The following FTO variants were observed in gnomAD, a reference collection of about 807,000 sequenced individuals.
FTO encodes alpha-ketoglutarate-dependent dioxygenase FTO.
FTO carries 47 observed loss-of-function variants against 63.9 expected under a neutral mutation model. The ratio of observed to expected loss-of-function variants is 0.74; its 90% confidence interval spans 0.58 to 0.94. FTO has a LOEUF of 0.94. Among genes scored for constraint, FTO ranks in the 40% least tolerant of loss-of-function variants. FTO has a pLI of 0.00. For synonymous variants in FTO, 207 were observed against 224.4 expected, an observed-to-expected ratio of 0.92 and a Z score of 0.69; for missense variants, 562 against 618.1, an observed-to-expected ratio of 0.91 and a Z score of 0.96.
chr16:53,719,915 A>T (rs1348128099), intron 1 of FTO, among the ~76,000 whole-genome samples: 1 of 151,904 alleles, frequency 6.6e-6, no homozygotes, highest in East Asian at 1.9e-4. Flanking sequence ...TTTCTTTCTC[A>T]TACCTTAGTT....
chr16:53,921,044 G>A (rs17821714), intron 7 of FTO, among the ~76,000 whole-genome samples: 7,406 of 152,244 alleles, frequency 0.049, 266 homozygotes, highest in Non-Finnish European at 0.071. Context: ...TTCTTGTGTA[G>A]AAAACATATG....
At chr16:54,074,388 T>A (rs1280615243) in intron 8 of FTO, among the ~76,000 whole-genome samples, 1 of 152,190 alleles carries the variant, frequency 6.6e-6, no homozygotes. Flanking sequence ...CCACCTTGGG[T>A]ACCACTAGGA....
In FTO at chr16:53,704,207, A is replaced by G. The variant is rs1329981588; in HGVS notation, c.23A>G (p.Glu8Gly). MKRTPTA[E>G]EREREAKKLR... is the part of the protein sequence containing the mutation. ...AGCATGAAGCGCACCCCGACTGCCGAGGAACGAGAGCGCGAAGCTAAGGTA... is the reference window on the plus strand; with the variant it reads ...AGCATGAAGCGCACCCCGACTGCCGGGGAACGAGAGCGCGAAGCTAAGGTA... The change falls in exon 1 of 9, where the codon GAG (glutamate) becomes GGG (glycine). Residue 8 changes from glutamate to glycine, a missense_variant. Physicochemically the swap from Glu to Gly is moderately conservative, Grantham distance 98. Coordinates refer to ENST00000471389, the MANE Select transcript of FTO (RefSeq NM_001080432.3). 1.9e-6 allele frequency: 3 copies of G among 1,551,502 alleles called. No individual in the cohort carries two copies. The highest frequency in any genetic ancestry group is 2.6e-6 in the Non-Finnish European group (3 of 1,146,838).
At chr16:53,970,829 A>G (rs1186656282) in intron 8 of FTO, among the ~76,000 whole-genome samples, 1 of 152,192 alleles carries the variant, frequency 6.6e-6, no homozygotes, top group Non-Finnish European at 1.5e-5. Flanking sequence ...TAAAACATGC[A>G]GATAAAACTC....
chr16:53,902,906 G>A (rs2081438663), intron 7 of FTO, among the ~76,000 whole-genome samples: 1 of 152,170 alleles, frequency 6.6e-6, no homozygotes, highest in Admixed American at 6.5e-5. Flanking sequence ...TTCAGACTAA[G>A]AGTTCAAGAC....
At chr16:53,825,057 A>G (rs1002362482) in intron 2 of FTO, among the ~76,000 whole-genome samples, 1 of 152,218 alleles carries the variant, frequency 6.6e-6, no homozygotes, top group African/African-American at 2.4e-5. Flanking sequence ...TAGAATTACA[A>G]TGTAATAATA....
chr16:53,955,355 T>C (rs776849821), intron 8 of FTO, among the ~76,000 whole-genome samples: 12 of 151,786 alleles, frequency 7.9e-5, no homozygotes, highest in Non-Finnish European at 1.8e-4. Flanking sequence ...AGCAAGCAAG[T>C]AAAAAAGAGG....
intron 8 of FTO, among the ~76,000 whole-genome samples, chr16:53,939,041 T>C (rs2082460458): frequency 6.6e-6 from 1 of 151,926 alleles, no homozygotes; most frequent in Non-Finnish European, 1.5e-5. Context: ...GAGCTTGCAG[T>C]GAGCCGAGAT....
intron 1 of FTO, among the ~76,000 whole-genome samples, chr16:53,794,537 C>G (rs1346024457): frequency 6.6e-6 from 1 of 152,158 alleles, no homozygotes; most frequent in Non-Finnish European, 1.5e-5. Context: ...ACTAAGCTCA[C>G]TGCTTAAAGC....
At chr16:53,787,387 A>C (rs1042281069) in intron 1 of FTO, among the ~76,000 whole-genome samples, 1 of 151,586 alleles carries the variant, frequency 6.6e-6, no homozygotes, top group African/African-American at 2.4e-5. Flanking sequence ...GGTAGTCATA[A>C]CACCACCCTG....
At chr16:53,935,833 A>G (rs2082378842) in intron 8 of FTO, 1 of 152,236 alleles carries the variant, frequency 6.6e-6, no homozygotes, top group East Asian at 1.9e-4. Flanking sequence ...ATACATAGTA[A>G]GGAATGGAAT....
At chr16:53,872,666 G>A (rs1284019396) in intron 4 of FTO, among the ~76,000 whole-genome samples, 1 of 152,164 alleles carries the variant, frequency 6.6e-6, no homozygotes, top group Non-Finnish European at 1.5e-5. Context: ...ATATTCATAA[G>A]CAGAAATCCT....
At chr16:54,011,479 A>G (rs974523586) in intron 8 of FTO, among the ~76,000 whole-genome samples, 9 of 152,192 alleles carry the variant, frequency 5.9e-5, no homozygotes, top group African/African-American at 2.2e-4. Flanking sequence ...GGTCATATCC[A>G]TCATTTCTTT....
At chr16:53,704,126 G>A, upstream of FTO, 7 of 1,510,244 alleles carry the variant, frequency 4.6e-6, no homozygotes, top group Non-Finnish European at 6.3e-6. Flanking sequence ...TGCAGGAGGC[G>A]GGGTCCAGGG....
intron 8 of FTO, among the ~76,000 whole-genome samples, chr16:53,986,378 GT>G (rs1342411913): frequency 1.3e-5 from 2 of 152,116 alleles, no homozygotes; most frequent in African/African-American, 4.8e-5. Context: ...GAAACAGGGT[GT>G]TTCTCTGCTC....
chr16:54,109,902 G>A (rs1277881165), intron 8 of FTO, among the ~76,000 whole-genome samples: 1 of 152,176 alleles, frequency 6.6e-6, no homozygotes, highest in Non-Finnish European at 1.5e-5. Context: ...CCAGGATAAT[G>A]TGTGCACGGA....
At chr16:53,714,372 G>A (rs991265825) in intron 1 of FTO, among the ~76,000 whole-genome samples, 1 of 152,138 alleles carries the variant, frequency 6.6e-6, no homozygotes, top group African/African-American at 2.4e-5. Context: ...CTGCTGAATT[G>A]GGCATGATTA....
intron 7 of FTO, among the ~76,000 whole-genome samples, chr16:53,917,212 CT>C (rs1396574219): frequency 6.6e-6 from 1 of 152,168 alleles, no homozygotes; most frequent in Non-Finnish European, 1.5e-5. Flanking sequence ...AGATACCAAC[CT>C]GCCGTGTCAG....
rs527951847 is a variant in FTO at position 53,902,558 on chromosome 16, C to G, written c.1239+13607C>G. ...CTTTTTCTCTACCCTGTGTTTGGACCTGGCATATCAAAATGAGGCTCTCTG... is the reference window on the plus strand; with the variant it reads ...CTTTTTCTCTACCCTGTGTTTGGACGTGGCATATCAAAATGAGGCTCTCTG... On this transcript the variant is annotated intron_variant, in intron 7 of 8. Transcript: ENST00000471389. 1.1e-3 allele frequency among the ~76,000 whole-genome samples: 160 copies of G among 152,282 alleles called. 2 individuals are homozygous for G. The highest frequency in any genetic ancestry group is 3.7e-3 in the African/African-American group (152 of 41,560).
Sources: allele counts gnomAD v4.1 joint callset (sites outside exome capture counted in the v4.1 genomes callset), GRCh38; gene constraint gnomAD v4.1.1; transcripts MANE v1.5; gene names NCBI Gene and HGNC (gene_info 2026-07-23, HGNC 2026-07-21).